PCDH15: variants seen among roughly 807,000 people sequenced by gnomAD.
PCDH15 encodes protocadherin related 15.
In PCDH15, 129 loss-of-function variants were observed where a neutral mutation model predicts 178.5. That is an observed-to-expected ratio of 0.72 (90% CI 0.63 to 0.84). The LOEUF (loss-of-function observed/expected upper bound fraction) is 0.84. Ranked by LOEUF, PCDH15 falls within the 40% of genes least tolerant of loss-of-function variation. PCDH15 has a pLI of 0.00. For missense variants in PCDH15, 2,230 were observed against 2,099.9 expected (o/e 1.06, Z -1.21); for synonymous variants, 800 against 732.0 (o/e 1.09, Z -1.50).
rs141475547 is a variant in PCDH15 at position 54,599,683 on chromosome 10, C to T, written c.91+64489G>A. ...AATTGAAAAACTGGTACACTAGTCT[C>T]CAGTGAAAGCAACTGCACCTGAAGT... On this transcript the variant is annotated intron_variant, in intron 2 of 37. Coordinates refer to ENST00000644397, the MANE Select transcript of PCDH15 (RefSeq NM_001384140.1). 1.2e-3 allele frequency: 522 copies of T among 431,676 alleles called. 3 individuals are homozygous for T. Among genetic ancestry groups the T allele is most frequent in the African/African-American group, 0.01 (485 of 47,732 alleles). The allele number at this position is 431,676 out of a possible 1,614,324, so 26.7% of individuals were successfully genotyped here.
intron 2 of PCDH15, among the ~76,000 whole-genome samples, chr10:55,359,184 G>T (rs1270685171): frequency 6.6e-6 from 1 of 151,488 alleles, no homozygotes; most frequent in African/African-American, 2.4e-5. Flanking sequence ...GTGACAGAGT[G>T]AGACTGTGTT....
At position 55,232,335 on chromosome 10, in the gene PCDH15, ATTTG is replaced by A. The variant is rs1269860252; in HGVS notation, c.-155-65688_-155-65685del. 2.6e-5 allele frequency among the ~76,000 whole-genome samples: 4 copies of A among 152,064 alleles called. 1 individual carries two copies. The highest frequency in any genetic ancestry group is 1.3e-4 in the Admixed American group (2 of 15,258). On this transcript the variant is annotated intron_variant, in intron 1 of 5. Transcript: ENST00000458638. ...GTGGATTAACATTTAAAAAGTGAAA[ATTTG>A]TTAGGGAGAAAATATGAAATAATAA...
chr10:54,922,216 A>T (rs1706762), intron 2 of PCDH15, among the ~76,000 whole-genome samples: 1 of 151,950 alleles, frequency 6.6e-6, no homozygotes, highest in African/African-American at 2.4e-5. Context: ...TTGACTCATT[A>T]CAGCATTAAG....
At chr10:53,818,095 T>A in intron 33 of PCDH15, 82 bp from the exon 34 acceptor site, 1 of 396,612 alleles carries the variant, frequency 2.5e-6, no homozygotes, top group Middle Eastern at 6.3e-4. Flanking sequence ...ATAAGGGCTT[T>A]AAAAAATGTC....
At chr10:55,405,823 A>T (rs573616670) in intron 2 of PCDH15, among the ~76,000 whole-genome samples, 4 of 152,146 alleles carry the variant, frequency 2.6e-5, no homozygotes, top group Non-Finnish European at 5.9e-5. Flanking sequence ...TACACAGACA[A>T]TACAAACAGA....
intron 1 of PCDH15, among the ~76,000 whole-genome samples, chr10:54,745,430 A>G (rs1467489764): frequency 6.6e-6 from 1 of 152,200 alleles, no homozygotes; most frequent in Non-Finnish European, 1.5e-5. Flanking sequence ...AAAATAGACA[A>G]GAAGAACCAA....
rs549279422 is a variant in PCDH15, at chr10:53,954,082, G to T, written c.3122+5650C>A. Among the ~76,000 whole-genome samples, 169 of 152,124 alleles carry T rather than the reference G, an allele frequency of 1.1e-3. 1 individual carries two copies. The highest frequency in any genetic ancestry group is 2.0e-3 in the Non-Finnish European group (133 of 68,026). ...TGGGATTACAGGTGTGAGCAACTGCGCCCGGCTGTAAAGAAGTTTTTAAAT... is the reference window on the plus strand; with the variant it reads ...TGGGATTACAGGTGTGAGCAACTGCTCCCGGCTGTAAAGAAGTTTTTAAAT... On this transcript the variant is annotated intron_variant, in intron 23 of 37. Transcript: ENST00000644397.
At chr10:53,834,959 AG>A (rs2077221886) in intron 29 of PCDH15, among the ~76,000 whole-genome samples, 1 of 152,168 alleles carries the variant, frequency 6.6e-6, no homozygotes, top group Admixed American at 6.5e-5. Context: ...TACACAATTT[AG>A]GCGTACAGAG....
intron 1 of PCDH15, among the ~76,000 whole-genome samples, chr10:55,226,454 ACCC>A (rs1841045986): frequency 6.6e-6 from 1 of 151,642 alleles, no homozygotes; most frequent in African/African-American, 2.4e-5. Context: ...CAACCCTGCA[ACCC>A]TGCAACCTCT....
chr10:55,606,203 C>A lies in PCDH15; in HGVS notation c.-156+21422G>T, dbSNP rs367639117. Among the ~76,000 whole-genome samples the A allele has an allele frequency of 8.2e-3, 592 of 72,166 alleles. 7 individuals are homozygous for A. Among genetic ancestry groups the A allele is most frequent in the East Asian group, 0.065 (140 of 2,138 alleles). 47.3% of individuals were successfully genotyped at this position (72,166 alleles called of 152,430 possible). ...CCAACTTACAAGGGATGTGAAGGACCTCTTCAAGGAGAACTACAAACCACT... is the reference window on the plus strand; with the variant it reads ...CCAACTTACAAGGGATGTGAAGGACATCTTCAAGGAGAACTACAAACCACT... On this transcript the variant is annotated intron_variant, in intron 2 of 5. Coordinates refer to the PCDH15 transcript ENST00000613346.
At chr10:54,207,273 T>G (rs2050896915) in intron 10 of PCDH15, among the ~76,000 whole-genome samples, 1 of 152,050 alleles carries the variant, frequency 6.6e-6, no homozygotes, top group Non-Finnish European at 1.5e-5. Flanking sequence ...GTTAATTAAT[T>G]TAGGCCAGTA....
intron 5 of PCDH15, among the ~76,000 whole-genome samples, chr10:54,367,170 T>C (rs1022938701): frequency 6.6e-6 from 1 of 151,994 alleles, no homozygotes; most frequent in Non-Finnish European, 1.5e-5. Flanking sequence ...ATTTATGAGA[T>C]GTGAGAGAGT....
chr10:54,373,476 C>T (rs1182390542), intron 4 of PCDH15, among the ~76,000 whole-genome samples: 8 of 151,894 alleles, frequency 5.3e-5, no homozygotes, highest in Non-Finnish European at 1.5e-5. Context: ...ATTAAATTTT[C>T]ACAATGAATA....
chr10:54,950,701 A>ACTCACTATC (rs1838317855), intron 2 of PCDH15, among the ~76,000 whole-genome samples: 1 of 151,906 alleles, frequency 6.6e-6, no homozygotes, highest in South Asian at 2.1e-4. Flanking sequence ...ATGAGAACTC[A>ACTCACTATC]CTCACTATCA....
intron 1 of PCDH15, among the ~76,000 whole-genome samples, chr10:54,667,879 G>A (rs1226325941): frequency 6.6e-6 from 1 of 152,038 alleles, no homozygotes; most frequent in African/African-American, 2.4e-5. Context: ...TTGCAATCGT[G>A]ACTTAGAAAT....
chr10:54,077,699 G>A (rs923054766), intron 17 of PCDH15, among the ~76,000 whole-genome samples: 1 of 149,994 alleles, frequency 6.7e-6, no homozygotes, highest in Non-Finnish European at 1.5e-5. Flanking sequence ...CATAAGTCAA[G>A]TTCTTCAATT....
chr10:54,106,885 A>G (rs1473007709), intron 15 of PCDH15, among the ~76,000 whole-genome samples: 4 of 152,220 alleles, frequency 2.6e-5, no homozygotes, highest in Admixed American at 2.6e-4. Context: ...ATAAACAGTT[A>G]AAACATTGGA....
intron 2 of PCDH15, among the ~76,000 whole-genome samples, chr10:54,587,730 A>C (rs2133887226): frequency 6.6e-6 from 1 of 152,306 alleles, no homozygotes; most frequent in African/African-American, 2.4e-5. Context: ...AACATTTTTT[A>C]ACAAACAAGT....
Position 54,114,664 on chromosome 10 carries a change from T to C in PCDH15, c.1917+18211A>G, listed in dbSNP as rs376439508. 6.6e-5 allele frequency among the ~76,000 whole-genome samples: 10 copies of C among 152,312 alleles called. No homozygotes were observed. The East Asian group carries it at 1.9e-3, about 29-fold the overall frequency. On this transcript the variant is annotated intron_variant, in intron 15 of 37. Transcript: ENST00000644397. ...AAAGCACAGCATGTTGGAATATTAT[T>C]ATTTTTTATAAGGTGGGTAGGTAAG... is the stretch of plus-strand genomic sequence containing the variant.
Sources: gnomAD v4.1 joint callset for allele counts (sites outside exome capture counted in the v4.1 genomes callset) on GRCh38, gnomAD v4.1.1 for gene constraint, MANE v1.5 for transcripts, NCBI Gene and HGNC (gene_info 2026-07-23, HGNC 2026-07-21) for gene names.